The following SGCZ variants were observed in gnomAD, a reference collection of about 807,000 sequenced individuals.
SGCZ encodes zeta-sarcoglycan.
In SGCZ, 40 loss-of-function variants were observed where a neutral mutation model predicts 41.3. That is an observed-to-expected ratio of 0.97 (90% CI 0.75 to 1.26). The LOEUF is 1.26. Among genes scored for constraint, SGCZ ranks in the 50% most tolerant of loss-of-function variants. The pLI is 0.00. For synonymous variants in SGCZ, 206 were observed against 137.5 expected, an observed-to-expected ratio of 1.50 and a Z score of -3.49; for missense variants, 552 against 369.8, an observed-to-expected ratio of 1.49 and a Z score of -4.04.
At chr8:14,372,224 T>C (rs1035237987) in intron 2 of SGCZ, among the ~76,000 whole-genome samples, 2 of 152,186 alleles carry the variant, frequency 1.3e-5, no homozygotes, top group Non-Finnish European at 2.9e-5. Context: ...GAGAATTATA[T>C]GAAGACTAAA....
chr8:14,203,311 A>C (rs951394801), intron 4 of SGCZ, among the ~76,000 whole-genome samples: 1 of 152,204 alleles, frequency 6.6e-6, no homozygotes, highest in Non-Finnish European at 1.5e-5. Flanking sequence ...AGACGAGAAG[A>C]GTGTAGGAGA....
intron 2 of SGCZ, among the ~76,000 whole-genome samples, chr8:14,430,331 A>G (rs1168857777): frequency 6.6e-6 from 1 of 152,188 alleles, no homozygotes; most frequent in Non-Finnish European, 1.5e-5. Flanking sequence ...ACAACATATC[A>G]AAAAGATAAT....
intron 4 of SGCZ, among the ~76,000 whole-genome samples, chr8:14,198,102 A>T (rs915984445): frequency 1.3e-5 from 2 of 152,222 alleles, no homozygotes; most frequent in Admixed American, 1.3e-4. Context: ...AAAATTCCAG[A>T]AAGAAACAAT....
At chr8:15,177,035 A>G (rs1174110248) in intron 1 of SGCZ, among the ~76,000 whole-genome samples, 4 of 152,188 alleles carry the variant, frequency 2.6e-5, no homozygotes, top group East Asian at 3.9e-4. Context: ...GAAAGACACT[A>G]TATGAAAACT....
At chr8:14,236,574 T>C (rs1806770270) in intron 4 of SGCZ, among the ~76,000 whole-genome samples, 1 of 151,766 alleles carries the variant, frequency 6.6e-6, no homozygotes, top group African/African-American at 2.4e-5. Context: ...CATTTAAAGA[T>C]GATTAATTTC....
At chr8:14,540,039 C>G (rs1803412153) in intron 2 of SGCZ, among the ~76,000 whole-genome samples, 2 of 151,818 alleles carry the variant, frequency 1.3e-5, no homozygotes, top group African/African-American at 4.8e-5. Context: ...ATAAAATAAA[C>G]TATGAAGAAT....
chr8:14,727,234 C>A (rs1322867638), intron 1 of SGCZ, among the ~76,000 whole-genome samples: 1 of 152,072 alleles, frequency 6.6e-6, no homozygotes, highest in African/African-American at 2.4e-5. Context: ...TGCTCAACAT[C>A]TTTACTCAAC....
chr8:14,489,908 C>G (rs922385826), intron 2 of SGCZ, among the ~76,000 whole-genome samples: 3 of 148,314 alleles, frequency 2.0e-5, no homozygotes, highest in Non-Finnish European at 4.4e-5. Flanking sequence ...GCTCTGTCGC[C>G]CAGACTGGAG....
chr8:14,726,083 C>A (rs1007877614), intron 1 of SGCZ, among the ~76,000 whole-genome samples: 3 of 151,400 alleles, frequency 2.0e-5, no homozygotes, highest in Admixed American at 6.6e-5. Context: ...ACTGTGAAAC[C>A]CTGTCTCTAC....
intron 1 of SGCZ, among the ~76,000 whole-genome samples, chr8:14,970,103 T>C (rs1801242441): frequency 6.6e-6 from 1 of 152,132 alleles, no homozygotes; most frequent in African/African-American, 2.4e-5. Flanking sequence ...TAGTGATATG[T>C]CATTGCAGTT....
At chr8:14,456,549 C>T (rs1271968142) in intron 2 of SGCZ, among the ~76,000 whole-genome samples, 1 of 151,752 alleles carries the variant, frequency 6.6e-6, no homozygotes, top group Non-Finnish European at 1.5e-5. Context: ...ATCATTTGTA[C>T]CAAAGAAACA....
At position 14,257,673 on chromosome 8, in the gene SGCZ, C is replaced by T. The variant is rs796214549; in HGVS notation, c.337-19994G>A. Among the ~76,000 whole-genome samples, 90 of 149,798 alleles carry T rather than the reference C, an allele frequency of 6.0e-4. 1 individual carries two copies. The highest frequency in any genetic ancestry group is 2.1e-3 in the African/African-American group (86 of 41,018). On this transcript the variant is annotated intron_variant, in intron 3 of 7. Transcript: ENST00000382080. ...ACAGGCCCAGGTGTGTGATGTTCCC[C>T]TTCCTGTGTCCAAGTGTTCTCATGG...
intron 1 of SGCZ, among the ~76,000 whole-genome samples, chr8:14,556,375 A>G (rs1804036317): frequency 6.6e-6 from 1 of 151,848 alleles, no homozygotes; most frequent in Admixed American, 6.6e-5. Flanking sequence ...AATATAAAAT[A>G]TATGTACTAT....
chr8:14,710,800 A>G (rs1381710276), intron 1 of SGCZ, among the ~76,000 whole-genome samples: 2 of 152,218 alleles, frequency 1.3e-5, no homozygotes, highest in Non-Finnish European at 2.9e-5. Context: ...ACTTGGAACA[A>G]CAACATAAAT....
At chr8:14,813,359 G>A (rs1006763077) in intron 1 of SGCZ, among the ~76,000 whole-genome samples, 1 of 152,136 alleles carries the variant, frequency 6.6e-6, no homozygotes, top group Non-Finnish European at 1.5e-5. Flanking sequence ...GACCCACTTA[G>A]AGATGAAACA....
intron 4 of SGCZ, among the ~76,000 whole-genome samples, chr8:14,212,853 CA>C (rs1805863559): frequency 6.6e-6 from 1 of 151,200 alleles, no homozygotes; most frequent in Non-Finnish European, 1.5e-5. Flanking sequence ...AAAATCTAGG[CA>C]AAAAATAGAG....
chr8:14,105,454 G>A (rs1222448109), intron 6 of SGCZ, among the ~76,000 whole-genome samples: 6 of 151,464 alleles, frequency 4.0e-5, no homozygotes, highest in East Asian at 1.9e-4. Flanking sequence ...CAATGAAACC[G>A]TGTTGATTAG....
chr8:14,898,968 G>C (rs1276791746), intron 1 of SGCZ, among the ~76,000 whole-genome samples: 1 of 152,150 alleles, frequency 6.6e-6, no homozygotes, highest in African/African-American at 2.4e-5. Flanking sequence ...TGAAGACAAT[G>C]TAAAATAATT....
At chr8:14,928,463 G>A (rs1342523756) in intron 1 of SGCZ, among the ~76,000 whole-genome samples, 3 of 152,074 alleles carry the variant, frequency 2.0e-5, no homozygotes, top group African/African-American at 7.2e-5. Context: ...TAATAAAATA[G>A]GAAGTATCTC....
Sources: allele counts gnomAD v4.1 joint callset (sites outside exome capture counted in the v4.1 genomes callset), GRCh38; gene constraint gnomAD v4.1.1; transcripts MANE v1.5; gene names NCBI Gene and HGNC (gene_info 2026-07-23, HGNC 2026-07-21).